Variants in ELP3 observed in about 807,000 individuals in gnomAD.
The protein encoded by ELP3 is elongator complex protein 3.
ELP3 carries 56 observed loss-of-function variants against 74.9 expected under a neutral mutation model. That is an observed-to-expected ratio of 0.75 (90% CI 0.60 to 0.93). ELP3 has a LOEUF of 0.93. Among genes scored for constraint, ELP3 ranks in the 40% least tolerant of loss-of-function variants. The pLI is 0.00. For synonymous variants in ELP3, 222 were observed against 239.8 expected (o/e 0.93, Z 0.68); for missense variants, 573 against 686.5 (o/e 0.83, Z 1.85).
chr8:28,189,762 T>G lies in ELP3; in HGVS notation c.*37T>G. ...GTCCACTCTTCTGCAGTATCCTCCC[T>G]GGCAGAACACGGAGAATCAGGATTT... On this transcript the variant is annotated 3_prime_UTR_variant, in exon 15 of 15. Coordinates refer to ENST00000256398, the MANE Select transcript of ELP3 (RefSeq NM_018091.6). The G allele has an allele frequency of 6.3e-7, 1 of 1,587,152 alleles. No individual in the cohort carries two copies. The highest frequency in any genetic ancestry group is 8.7e-7 in the Non-Finnish European group (1 of 1,155,698).
intron 10 of ELP3, among the ~76,000 whole-genome samples, chr8:28,150,444 T>C (rs1813598691): frequency 6.6e-6 from 1 of 152,218 alleles, no homozygotes; most frequent in Admixed American, 6.5e-5. Flanking sequence ...TTTTCTCTCC[T>C]TTATTATCCT....
At chr8:28,109,107 T>G (rs1811810935) in intron 5 of ELP3, among the ~76,000 whole-genome samples, 1 of 152,242 alleles carries the variant, frequency 6.6e-6, no homozygotes, top group South Asian at 2.1e-4. Context: ...GTAAGGAGTT[T>G]CCATTTTAGC....
chr8:28,180,320 C>T (rs555015765), intron 14 of ELP3, among the ~76,000 whole-genome samples: 23 of 152,304 alleles, frequency 1.5e-4, no homozygotes, highest in African/African-American at 5.3e-4. Flanking sequence ...TCCCCACCAA[C>T]GTTGCTTTGT....
intron 14 of ELP3, among the ~76,000 whole-genome samples, chr8:28,166,752 G>A (rs891645990): frequency 1.3e-5 from 2 of 152,168 alleles, no homozygotes; most frequent in African/African-American, 4.8e-5. Context: ...TTCCAAAAGG[G>A]CAAATAGAAC....
chr8:28,165,104 C>G (rs567146735), intron 14 of ELP3, among the ~76,000 whole-genome samples: 2 of 152,092 alleles, frequency 1.3e-5, no homozygotes, highest in African/African-American at 4.8e-5. Flanking sequence ...GCCAGTAGCT[C>G]TTCTTGTGAT....
chr8:28,171,897 C>T (rs982437249), intron 14 of ELP3, among the ~76,000 whole-genome samples: 5 of 152,088 alleles, frequency 3.3e-5, no homozygotes, highest in Admixed American at 2.6e-4. Context: ...TTTTCTAGCA[C>T]CACTTGTGAG....
At chr8:28,186,154 A>G (rs557009068) in intron 14 of ELP3, among the ~76,000 whole-genome samples, 8 of 152,176 alleles carry the variant, frequency 5.3e-5, no homozygotes, top group Admixed American at 4.6e-4. Context: ...CAGAAAGTAG[A>G]ACGGGGGTTG....
chr8:28,173,991 A>G (rs1814639254), intron 14 of ELP3, among the ~76,000 whole-genome samples: 2 of 152,056 alleles, frequency 1.3e-5, no homozygotes, highest in South Asian at 4.1e-4. Flanking sequence ...TAAATTTATT[A>G]AGACATGTTT....
chr8:28,111,880 T>C (rs1193602975), intron 6 of ELP3, among the ~76,000 whole-genome samples: 1 of 152,230 alleles, frequency 6.6e-6, no homozygotes, highest in African/African-American at 2.4e-5. Flanking sequence ...CCTAGCAAGA[T>C]ATTTTTAAAA....
intron 10 of ELP3, 68 bp from the exon 11 acceptor site, chr8:28,155,874 T>A: frequency 7.7e-7 from 1 of 1,300,308 alleles, no homozygotes. Flanking sequence ...TTTTTTAATA[T>A]CCTTGCCTTA....
intron 10 of ELP3, among the ~76,000 whole-genome samples, chr8:28,151,662 G>A (rs7015702): frequency 0.047 from 7,177 of 152,212 alleles, 589 homozygotes; most frequent in African/African-American, 0.16. Flanking sequence ...ACATCACAAG[G>A]GTTTCTCAGT....
At chr8:28,151,375 G>A (rs565877632) in intron 10 of ELP3, among the ~76,000 whole-genome samples, 3 of 151,878 alleles carry the variant, frequency 2.0e-5, no homozygotes, top group Non-Finnish European at 4.4e-5. Flanking sequence ...AGCCTTCAGC[G>A]TGTTAATTAT....
At chr8:28,171,288 A>T (rs1814514425) in intron 14 of ELP3, among the ~76,000 whole-genome samples, 1 of 152,062 alleles carries the variant, frequency 6.6e-6, no homozygotes, top group African/African-American at 2.4e-5. Context: ...ACTGTTTTTC[A>T]TTCCCACCCA....
At chr8:28,181,717 C>G (rs890327905) in intron 14 of ELP3, among the ~76,000 whole-genome samples, 7 of 152,212 alleles carry the variant, frequency 4.6e-5, no homozygotes, top group African/African-American at 1.4e-4. Flanking sequence ...AGGTGCCAGG[C>G]GCATTAGAAA....
intron 14 of ELP3, among the ~76,000 whole-genome samples, chr8:28,178,877 T>C (rs893668893): frequency 5.9e-5 from 9 of 152,262 alleles, no homozygotes; most frequent in Non-Finnish European, 1.0e-4. Flanking sequence ...TTCATGTGTT[T>C]ACTGGCCATT....
intron 14 of ELP3, among the ~76,000 whole-genome samples, chr8:28,179,746 A>G (rs1381837525): frequency 6.6e-6 from 1 of 152,190 alleles, no homozygotes; most frequent in Non-Finnish European, 1.5e-5. Context: ...TGCGTAGTTC[A>G]CAATAGGATT....
intron 14 of ELP3, among the ~76,000 whole-genome samples, chr8:28,182,146 G>A (rs1320330702): frequency 2.0e-5 from 3 of 152,154 alleles, no homozygotes; most frequent in Admixed American, 1.3e-4. Flanking sequence ...CAGTAACTTG[G>A]AGGAACAAAG....
At chr8:28,187,424 T>C (rs1315606576) in intron 14 of ELP3, among the ~76,000 whole-genome samples, 1 of 152,204 alleles carries the variant, frequency 6.6e-6, no homozygotes, top group Non-Finnish European at 1.5e-5. Flanking sequence ...GGAGCCTTCA[T>C]TCTGTTCTCA....
At chr8:28,097,910 A>G (rs547486348) in intron 2 of ELP3, among the ~76,000 whole-genome samples, 1 of 152,230 alleles carries the variant, frequency 6.6e-6, no homozygotes, top group Non-Finnish European at 1.5e-5. Context: ...TAATTTGTCC[A>G]GGGGTAAGTA....
Sources: gnomAD v4.1 joint callset for allele counts (sites outside exome capture counted in the v4.1 genomes callset) on GRCh38, gnomAD v4.1.1 for gene constraint, MANE v1.5 for transcripts, NCBI Gene and HGNC (gene_info 2026-07-23, HGNC 2026-07-21) for gene names.